Variants in PCDH15 observed in about 807,000 individuals in gnomAD.
PCDH15 encodes the protein protocadherin related 15.
A neutral mutation model predicts 178.5 loss-of-function variants in PCDH15; 129 were observed. The ratio of observed to expected loss-of-function variants is 0.72; its 90% CI spans 0.63 to 0.84. The LOEUF is 0.84. Among genes scored for constraint, PCDH15 ranks in the 40% least tolerant of loss-of-function variants. The probability of loss-of-function intolerance (pLI) is 0.00; values close to 1 mark genes in which losing one functional copy is unlikely to be tolerated. For synonymous variants in PCDH15, 800 were observed against 732.0 expected, an observed-to-expected ratio of 1.09 and a Z score of -1.50; for missense variants, 2,230 against 2,099.9, an observed-to-expected ratio of 1.06 and a Z score of -1.21.
intron 2 of PCDH15, among the ~76,000 whole-genome samples, chr10:55,350,274 C>T (rs1014349159): frequency 0.029 from 1,839 of 63,368 alleles, 40 homozygotes; most frequent in African/African-American, 0.14. Flanking sequence ...TATATACACA[C>T]ACACACACAC....
In PCDH15 at chr10:54,356,911, A is replaced by G. The variant is rs146129355; in HGVS notation, c.475-10427T>C. 2.2e-3 allele frequency among the ~76,000 whole-genome samples: 334 copies of G among 152,308 alleles called. 1 individual carries two copies. Among genetic ancestry groups the G allele is most frequent in the African/African-American group, 7.6e-3 (316 of 41,570 alleles). ...ATAAACAGAACCAAAGACAAACACC[A>G]CATGATTATCTCAATAGATGCAGAA... On this transcript the variant is annotated intron_variant, in intron 5 of 37. Transcript: ENST00000644397.
chr10:54,167,509 C>T (rs11004115), intron 13 of PCDH15, among the ~76,000 whole-genome samples: 2,645 of 152,150 alleles, frequency 0.017, 86 homozygotes, highest in African/African-American at 0.061. Flanking sequence ...TATACACCCA[C>T]GTTTCAAGGG....
At chr10:54,500,152 TA>T (rs60668120) in intron 3 of PCDH15, among the ~76,000 whole-genome samples, 29,550 of 151,972 alleles carry the variant, frequency 0.19, 3,135 homozygotes, top group East Asian at 0.38. Context: ...GCAACAACAT[TA>T]AAGCAGTTGG....
At chr10:55,609,522 A>G (rs1843315757) in intron 2 of PCDH15, among the ~76,000 whole-genome samples, 2 of 152,146 alleles carry the variant, frequency 1.3e-5, no homozygotes, top group South Asian at 2.1e-4. Context: ...TCAGATCTTT[A>G]TATCTCCCTG....
intron 1 of PCDH15, among the ~76,000 whole-genome samples, chr10:54,753,894 G>GTTTTTTTTTTTTTTTTTTTTTT (rs755751275): frequency 2.3e-5 from 2 of 85,508 alleles, no homozygotes; most frequent in Non-Finnish European, 4.9e-5. Context: ...GTTTGTTTGT[G>GTTTTTTTTTTTTTTTTTTTTTT]TTTTTTTTTT....
chr10:54,282,384 A>G (rs1282932013), intron 8 of PCDH15, among the ~76,000 whole-genome samples: 2 of 152,094 alleles, frequency 1.3e-5, no homozygotes, highest in East Asian at 1.9e-4. Flanking sequence ...ACTGCACTAG[A>G]AATAGAGTGT....
chr10:55,008,275 T>C (rs760831723), intron 2 of PCDH15, among the ~76,000 whole-genome samples: 3 of 151,866 alleles, frequency 2.0e-5, no homozygotes, highest in Non-Finnish European at 2.9e-5. Flanking sequence ...ACATTCTCAG[T>C]CTTCTCTTTA....
intron 2 of PCDH15, among the ~76,000 whole-genome samples, chr10:55,537,030 A>G (rs778045129): frequency 2.0e-5 from 3 of 151,954 alleles, no homozygotes; most frequent in African/African-American, 4.8e-5. Context: ...TCTAGCCCCA[A>G]ATTCTCAGAT....
At chr10:53,991,750 C>A (rs1683421812) in intron 21 of PCDH15, among the ~76,000 whole-genome samples, 1 of 152,090 alleles carries the variant, frequency 6.6e-6, no homozygotes, top group Non-Finnish European at 1.5e-5. Flanking sequence ...TTATGTCTAG[C>A]TAGAGGATTG....
At chr10:55,009,250 ATGTG>A (rs5785109) in intron 2 of PCDH15, among the ~76,000 whole-genome samples, 20 of 149,448 alleles carry the variant, frequency 1.3e-4, no homozygotes, top group South Asian at 2.1e-4. Flanking sequence ...GCACGCACAG[ATGTG>A]TGTGTGTGTG....
intron 8 of PCDH15, among the ~76,000 whole-genome samples, chr10:54,311,412 A>G (rs1175083036): frequency 6.6e-6 from 1 of 152,084 alleles, no homozygotes; most frequent in African/African-American, 2.4e-5. Context: ...TCATGGTTTT[A>G]TCTGTGCTTC....
At chr10:55,078,691 AG>A (rs1451117678) in intron 2 of PCDH15, among the ~76,000 whole-genome samples, 2 of 151,830 alleles carry the variant, frequency 1.3e-5, no homozygotes, top group Non-Finnish European at 2.9e-5. Context: ...TAAATTTTTT[AG>A]TGTTGATTTC....
At chr10:54,801,451 A>G, upstream of PCDH15, among the ~76,000 whole-genome samples, 1 of 152,178 alleles carries the variant, frequency 6.6e-6, no homozygotes, top group South Asian at 2.1e-4. Flanking sequence ...TCCACTGATC[A>G]TCGGTACTGG....
intron 3 of PCDH15, among the ~76,000 whole-genome samples, chr10:54,474,191 A>G (rs918199869): frequency 6.6e-6 from 1 of 151,958 alleles, no homozygotes; most frequent in Non-Finnish European, 1.5e-5. Flanking sequence ...TCACAATAGT[A>G]TCCTAATTTC....
At chr10:54,497,103 A>T (rs1423365969) in intron 3 of PCDH15, among the ~76,000 whole-genome samples, 1 of 152,036 alleles carries the variant, frequency 6.6e-6, no homozygotes, top group Non-Finnish European at 1.5e-5. Flanking sequence ...ATTGACCTCA[A>T]GGGGCCAGAG....
intron 1 of PCDH15, among the ~76,000 whole-genome samples, chr10:55,175,684 AG>A (rs1462118166): frequency 3.7e-4 from 56 of 151,170 alleles, no homozygotes; most frequent in Non-Finnish European, 5.8e-4. Context: ...AAAAAGAAAA[AG>A]AAAAAAAAAG....
intron 1 of PCDH15, among the ~76,000 whole-genome samples, chr10:55,312,328 A>T (rs1843604828): frequency 6.6e-6 from 1 of 152,172 alleles, no homozygotes; most frequent in African/African-American, 2.4e-5. Context: ...AAAAAACAAA[A>T]ATATTTTATT....
intron 2 of PCDH15, among the ~76,000 whole-genome samples, chr10:54,974,001 C>T (rs958933809): frequency 6.6e-6 from 1 of 151,410 alleles, no homozygotes; most frequent in Non-Finnish European, 1.5e-5. Context: ...TGATCTTATA[C>T]TGGAGACTCT....
chr10:55,161,477 T>C (rs1839064873), intron 2 of PCDH15, among the ~76,000 whole-genome samples: 1 of 152,082 alleles, frequency 6.6e-6, no homozygotes, highest in Admixed American at 6.6e-5. Flanking sequence ...GTTTCTATAA[T>C]ATCTAAATCT....
Sources: gnomAD v4.1 joint callset for allele counts (sites outside exome capture counted in the v4.1 genomes callset) on GRCh38, gnomAD v4.1.1 for gene constraint, MANE v1.5 for transcripts, NCBI Gene and HGNC (gene_info 2026-07-23, HGNC 2026-07-21) for gene names.